The following NXF1 variants were observed in gnomAD, a reference collection of about 807,000 sequenced individuals.
The protein encoded by NXF1 is mRNA export factor TAP.
Under a neutral mutation model 92.4 loss-of-function variants are expected in NXF1, and 43 were observed. The observed-to-expected ratio is 0.47, with a 90% CI of 0.36 to 0.60. NXF1 has a LOEUF of 0.60. Among genes scored for constraint, NXF1 ranks in the 20% least tolerant of loss-of-function variants. The probability of loss-of-function intolerance (pLI) is 0.00; values close to 1 mark genes in which losing one functional copy is unlikely to be tolerated. For synonymous variants in NXF1, 288 were observed against 292.2 expected, an observed-to-expected ratio of 0.99 and a Z score of 0.15; for missense variants, 576 against 793.0, an observed-to-expected ratio of 0.73 and a Z score of 3.29.
intron 9 of NXF1, 92 bp from the exon 10 acceptor site, chr11:62,800,578 A>T: frequency 2.9e-6 from 2 of 687,248 alleles, no homozygotes; most frequent in South Asian, 2.2e-5. Flanking sequence ...TAGCTCTGAG[A>T]TCTTTTCTAA....
chr11:62,795,478 A>G (rs1051103799), intron 17 of NXF1: 2 of 223,854 alleles, frequency 8.9e-6, no homozygotes, highest in Non-Finnish European at 1.8e-5. Flanking sequence ...CCATCTCAAA[A>G]AAAAGTAATA....
chr11:62,796,117 G>C lies in NXF1; in HGVS notation c.1410C>G (p.Pro470=), dbSNP rs1486585907. 1 of 1,613,828 alleles carries C rather than the reference G, an allele frequency of 6.2e-7. No individual in the cohort carries two copies. The highest frequency in any genetic ancestry group is 2.2e-5 in the East Asian group (1 of 44,850). Residue 470 remains proline, a synonymous_variant, in exon 16 of 21, where the codon CCC becomes CCG. Transcript: ENST00000294172. ...AGGAATTGACGTCGTGCTGGGTTTT[G>C]GGCAACTCATTGAGGAAGGCAACAA... ...LNVVAFLNEL[P]KTQHDVNSFV... is the part of the protein sequence containing the mutation.
intron 11 of NXF1, 147 bp downstream of exon 11, chr11:62,798,392 C>T: frequency 8.3e-7 from 1 of 1,198,618 alleles, no homozygotes; most frequent in Non-Finnish European, 1.1e-6. Context: ...TGAAATCATG[C>T]TGTTGCACTC....
At chr11:62,792,764 A>T (rs750228447) in intron 19 of NXF1, 63 bp from the exon 20 acceptor site, 3 of 1,553,742 alleles carry the variant, frequency 1.9e-6, no homozygotes, top group Non-Finnish European at 2.7e-6. Flanking sequence ...CTGAAAGTCC[A>T]CTCCATAAAA....
chr11:62,799,369 C>T (rs1299334873), intron 10 of NXF1: 3 of 985,644 alleles, frequency 3.0e-6, no homozygotes, highest in Non-Finnish European at 3.6e-6. Context: ...ACCTGGGTCC[C>T]GATCTGAACT....
Position 62,801,547 on chromosome 11 carries a change from T to A in NXF1, c.709+15A>T, listed in dbSNP as rs2084478759. 1 of 1,613,854 alleles carries A rather than the reference T, an allele frequency of 6.2e-7. No homozygotes were observed. Among genetic ancestry groups the A allele is most frequent in the East Asian group, 2.2e-5 (1 of 44,896 alleles). ...TTATCACCACCTATCTGAGAACTAC[T>A]GCTGTCAACCATACCTGGGTCTGAA... On this transcript the variant is annotated intron_variant, in intron 7 of 20. Coordinates refer to ENST00000294172, the MANE Select transcript of NXF1 (RefSeq NM_006362.5).
chr11:62,798,478 C>T, intron 11 of NXF1, 61 bp downstream of exon 11: 1 of 1,582,344 alleles, frequency 6.3e-7, no homozygotes, highest in Non-Finnish European at 8.5e-7. Flanking sequence ...AGAAACCTAT[C>T]CAGGAATCCT....
At chr11:62,795,828 G>A in intron 17 of NXF1, 73 bp downstream of exon 17, 2 of 1,375,734 alleles carry the variant, frequency 1.5e-6, no homozygotes, top group Non-Finnish European at 2.1e-6. Flanking sequence ...TAGCTGGGAA[G>A]CTAAGAGTGC....
At chr11:62,804,066 T>C (rs2084508519) in intron 1 of NXF1, 88 bp from the exon 2 acceptor site, 1 of 1,598,702 alleles carries the variant, frequency 6.3e-7, no homozygotes, top group South Asian at 1.1e-5. Flanking sequence ...TCTGAACTAT[T>C]GGAAGAGATA....
intron 19 of NXF1, among the ~76,000 whole-genome samples, chr11:62,793,188 C>A (rs1254771777): frequency 6.6e-6 from 1 of 152,022 alleles, no homozygotes; most frequent in African/African-American, 2.4e-5. Flanking sequence ...AAGCAATTCT[C>A]CTGCCTCAGC....
chr11:62,802,919 T>G (rs1357749733), intron 3 of NXF1, among the ~76,000 whole-genome samples: 2 of 152,072 alleles, frequency 1.3e-5, no homozygotes, highest in Non-Finnish European at 2.9e-5. Flanking sequence ...CAACCAAAAT[T>G]TTCATATTTC....
intron 10 of NXF1, chr11:62,800,004 A>G (rs2084460968): frequency 9.8e-7 from 1 of 1,016,764 alleles, no homozygotes; most frequent in Non-Finnish European, 1.2e-6. Context: ...ACCCATGGAC[A>G]CCAGGCTCTT....
chr11:62,802,176 C>T lies in NXF1; in HGVS notation c.453+1G>A, dbSNP rs1358708163. On this transcript the variant is annotated splice_donor_variant, in intron 4 of 20. Transcript: ENST00000294172. LOFTEE classifies it high-confidence loss of function. Reference sequence around the variant, plus strand: ...AGCCAGCCACTCAGGCCTTGTCTTACCTCAATAGGGGTGAAGGGCACACTG... The same window carrying T: ...AGCCAGCCACTCAGGCCTTGTCTTATCTCAATAGGGGTGAAGGGCACACTG... 6.2e-7 allele frequency: 1 copy of T among 1,614,148 alleles called. No individual in the cohort carries two copies.
intron 9 of NXF1, 60 bp from the exon 10 acceptor site, chr11:62,800,546 C>CCATA: frequency 8.9e-7 from 1 of 1,128,098 alleles, no homozygotes. Context: ...AGCTGGCTCC[C>CCATA]CATACCCCCA....
At chr11:62,800,051 A>T in intron 10 of NXF1, 1 of 1,159,792 alleles carries the variant, frequency 8.6e-7, no homozygotes, top group East Asian at 4.9e-5. Context: ...TATGTACAAG[A>T]TACCCTCTGG....
At chr11:62,795,121 T>C in intron 17 of NXF1, 114 bp from the exon 18 acceptor site, 1 of 1,017,842 alleles carries the variant, frequency 9.8e-7, no homozygotes, top group South Asian at 1.4e-5. Context: ...AGAGGAATGA[T>C]TAAGTATATA....
Position 62,801,761 on chromosome 11 carries a change from G to A in NXF1, c.617C>T (p.Pro206Leu), listed in dbSNP as rs767944388. 16 of 1,613,810 alleles carry A rather than the reference G, an allele frequency of 9.9e-6. No individual in the cohort carries two copies. The highest frequency in any genetic ancestry group is 3.3e-5 in the Admixed American group (2 of 59,996). Residue 206 changes from proline to leucine, a missense_variant, in exon 6 of 21, where the codon CCA becomes CTA. By Grantham distance (98) the Pro-to-Leu change is moderately conservative. Transcript: ENST00000294172. ...CACCTTTAGCTGTTCTACTTGTTCT[G>A]GCTTCAGTTCATTCAGTATAGTGTG... ...PPHTILNELK[P>L]EQVEQLKLIM...
intron 13 of NXF1, 62 bp from the exon 14 acceptor site, chr11:62,796,629 T>A: frequency 8.8e-7 from 1 of 1,130,456 alleles, no homozygotes; most frequent in Non-Finnish European, 1.3e-6. Flanking sequence ...AAGGACCCAG[T>A]AGCTCCCAAG....
intron 10 of NXF1, chr11:62,799,120 G>A (rs972314777): frequency 1.0e-6 from 1 of 983,230 alleles, no homozygotes; most frequent in Non-Finnish European, 1.2e-6. Context: ...TGGGGCAGGG[G>A]CAAGGGAGAG....
Sources: allele counts gnomAD v4.1 joint callset (sites outside exome capture counted in the v4.1 genomes callset), GRCh38; gene constraint gnomAD v4.1.1; transcripts MANE v1.5; gene names NCBI Gene and HGNC (gene_info 2026-07-23, HGNC 2026-07-21).